Variants in TIAM1 observed in about 807,000 individuals in gnomAD.
The protein encoded by TIAM1 is rho guanine nucleotide exchange factor TIAM1.
Under a neutral mutation model 163.5 loss-of-function variants are expected in TIAM1, and 65 were observed. The observed-to-expected ratio is 0.40, with a 90% confidence interval of 0.33 to 0.49. The LOEUF is 0.49. Ranked by LOEUF, TIAM1 falls within the 20% of genes least tolerant of loss-of-function variation. The pLI is 0.77. For synonymous variants in TIAM1, 833 were observed against 810.1 expected (o/e 1.03, Z -0.48); for missense variants, 1,789 against 2,044.7 (o/e 0.87, Z 2.41).
Position 31,331,949 on chromosome 21 carries a change from C to T in TIAM1, c.-189+7294G>A, listed in dbSNP as rs563721992. On this transcript the variant is annotated intron_variant, in intron 2 of 27. Transcript: ENST00000541036. Reference sequence around the variant, plus strand: ...CTTTCTTTTAACTACAAGGTCCCAGCGAAAACATAATCCGTGTCTAACATA... The same window carrying T: ...CTTTCTTTTAACTACAAGGTCCCAGTGAAAACATAATCCGTGTCTAACATA... Among the ~76,000 whole-genome samples, 3 of 152,252 alleles carry T rather than the reference C, an allele frequency of 2.0e-5. No homozygotes were observed. In the South Asian group the frequency reaches 6.2e-4, roughly 32 times the overall value.
chr21:31,363,832 T>C (rs2076450595), intron 2 of TIAM1, among the ~76,000 whole-genome samples: 1 of 152,078 alleles, frequency 6.6e-6, no homozygotes, highest in Admixed American at 6.6e-5. Flanking sequence ...TCTGGTTGGT[T>C]GGGGGGCAAC....
chr21:31,214,208 C>T (rs2087045462), intron 9 of TIAM1, among the ~76,000 whole-genome samples: 1 of 151,820 alleles, frequency 6.6e-6, no homozygotes, highest in South Asian at 2.1e-4. Context: ...TCCTGTAGTC[C>T]CAGCTACTTG....
intron 2 of TIAM1, among the ~76,000 whole-genome samples, chr21:31,407,907 G>A (rs1342874035): frequency 1.3e-5 from 2 of 152,074 alleles, no homozygotes; most frequent in African/African-American, 2.4e-5. Flanking sequence ...CAAAATGCTA[G>A]GATAACAGGC....
At position 31,213,440 on chromosome 21, in the gene TIAM1, T is replaced by C. The variant is rs745308249; in HGVS notation, c.2175A>G (p.Lys725=). The stretch of plus-strand genomic sequence containing the variant: ...TGTCATCAAATATTCCCTCTAAAGA[T>C]TTCTTTACAGCTTCGGTTCCCTCTC... ...VFGEGTEAVK[K]SLEGIFDDIV... is the part of the protein sequence containing the mutation. The change falls in exon 10 of 28, where the codon AAA becomes AAG. Residue 725 remains lysine (K), a synonymous_variant. Coordinates refer to ENST00000541036, the MANE Select transcript of TIAM1 (RefSeq NM_001353694.2). The C allele has an allele frequency of 5.6e-6, 9 of 1,613,050 alleles. No individual in the cohort carries two copies. The highest frequency in any genetic ancestry group is 7.6e-6 in the Non-Finnish European group (9 of 1,179,872).
intron 1 of TIAM1, among the ~76,000 whole-genome samples, chr21:31,517,432 C>T (rs1334970671): frequency 6.6e-6 from 1 of 152,134 alleles, no homozygotes; most frequent in Non-Finnish European, 1.5e-5. Context: ...ATGGATGATA[C>T]TATTACTATG....
In TIAM1 at chr21:31,245,677, G is replaced by A. The variant is rs1352345471; in HGVS notation, c.1412-17C>T. 1 of 1,533,026 alleles carries A rather than the reference G, an allele frequency of 6.5e-7. No homozygotes were observed. Among genetic ancestry groups the A allele is most frequent in the Admixed American group, 2.0e-5 (1 of 50,734 alleles). 95.0% of individuals were successfully genotyped at this position (1,533,026 alleles called of 1,614,324 possible). ...GCGTGCATCCTGAGGAAACAGAACA[G>A]GGGTGTGCATGAGTATTCAGTGCTT... On this transcript the variant is annotated splice_polypyrimidine_tract_variant and intron_variant, in intron 5 of 27. Transcript: ENST00000541036.
At chr21:31,245,741 ACCC>A in intron 5 of TIAM1, 81 bp from the exon 6 acceptor site, 1 of 1,238,716 alleles carries the variant, frequency 8.1e-7, no homozygotes, top group East Asian at 3.1e-5. Flanking sequence ...TAACATGTGC[ACCC>A]TGTCAGAGGC....
chr21:31,469,693 G>A (rs1379164625), intron 1 of TIAM1, among the ~76,000 whole-genome samples: 1 of 151,888 alleles, frequency 6.6e-6, no homozygotes, highest in Non-Finnish European at 1.5e-5. Flanking sequence ...TTAGCCGGGT[G>A]TGGTGGCGGG....
chr21:31,135,710 G>A (rs896174237), intron 23 of TIAM1, among the ~76,000 whole-genome samples: 10 of 152,100 alleles, frequency 6.6e-5, no homozygotes, highest in Admixed American at 3.3e-4. Flanking sequence ...CTTGGGCACA[G>A]CCATTTCCGC....
At chr21:31,121,658 A>C (rs548945702) in intron 27 of TIAM1, among the ~76,000 whole-genome samples, 172 of 152,326 alleles carry the variant, frequency 1.1e-3, no homozygotes, top group Non-Finnish European at 2.1e-3. Context: ...CCTCATTGGA[A>C]TGAGAAATAA....
chr21:31,151,251 A>G (rs1357454805), intron 19 of TIAM1, among the ~76,000 whole-genome samples: 1 of 152,232 alleles, frequency 6.6e-6, no homozygotes, highest in Non-Finnish European at 1.5e-5. Flanking sequence ...TATCCATACT[A>G]AAACTTGTAC....
Position 31,477,996 on chromosome 21 carries a change from G to A in TIAM1, c.-421-13961C>T, listed in dbSNP as rs920487602. ...AGAATGAATTACCACTGGGAGTACA[G>A]AATAACAACCAGCTTAGGCAGTGCA... On this transcript the variant is annotated intron_variant, in intron 1 of 28. Transcript: ENST00000286827. Among the ~76,000 whole-genome samples the A allele has an allele frequency of 2.6e-4, 39 of 152,202 alleles. 1 individual carries two copies. The highest frequency in any genetic ancestry group is 5.0e-4 in the Non-Finnish European group (34 of 68,040).
At chr21:31,201,785 T>G (rs564716875) in intron 12 of TIAM1, among the ~76,000 whole-genome samples, 31 of 152,292 alleles carry the variant, frequency 2.0e-4, no homozygotes, top group African/African-American at 6.7e-4. Flanking sequence ...GAGGAATGAC[T>G]AAGAACAGAG....
At chr21:31,537,442 C>CAAA in intron 1 of TIAM1, among the ~76,000 whole-genome samples, 1 of 132,556 alleles carries the variant, frequency 7.5e-6, no homozygotes, top group Non-Finnish European at 1.6e-5. Context: ...CAAGAAATCG[C>CAAA]AAAAAAAAAA....
intron 2 of TIAM1, among the ~76,000 whole-genome samples, chr21:31,454,318 C>T (rs1047998017): frequency 3.3e-5 from 5 of 152,172 alleles, no homozygotes; most frequent in African/African-American, 1.2e-4. Context: ...GATTGGTCTA[C>T]ATGTATTACT....
chr21:31,299,290 C>T (rs1298161820), intron 2 of TIAM1, among the ~76,000 whole-genome samples: 1 of 152,166 alleles, frequency 6.6e-6, no homozygotes, highest in African/African-American at 2.4e-5. Flanking sequence ...CGCAGCCCTC[C>T]TTTTTAAGTT....
In TIAM1 at chr21:31,484,601, C is replaced by A. The variant is rs368789230; in HGVS notation, c.-421-20566G>T. Among the ~76,000 whole-genome samples, 60 of 152,316 alleles carry A rather than the reference C, an allele frequency of 3.9e-4. 2 individuals are homozygous for A. Among genetic ancestry groups the A allele is most frequent in the African/African-American group, 1.4e-3 (57 of 41,584 alleles). On this transcript the variant is annotated intron_variant, in intron 1 of 28. Transcript: ENST00000286827. ...TTCAAATCCTTTAGTAGTAAACCTACTCAAGGCCCAGCTATTAAAGCAGGC... is the reference window on the plus strand; with the variant it reads ...TTCAAATCCTTTAGTAGTAAACCTAATCAAGGCCCAGCTATTAAAGCAGGC...
At position 31,530,858 on chromosome 21, in the gene TIAM1, G is replaced by A. The variant is rs189875016; in HGVS notation, c.-422+28069C>T. Among the ~76,000 whole-genome samples the A allele has an allele frequency of 2.6e-5, 4 of 152,144 alleles. No homozygotes were observed. In the East Asian group the frequency reaches 7.7e-4, roughly 29 times the overall value. On this transcript the variant is annotated intron_variant, in intron 1 of 28. Transcript: ENST00000286827. ...ATAATCCCCAGAATACAGTAGGATT[G>A]GCTTCATTCCTGAGTAATAAATTTA...
intron 1 of TIAM1, among the ~76,000 whole-genome samples, chr21:31,539,088 C>T (rs779083737): frequency 2.1e-4 from 32 of 152,144 alleles, no homozygotes; most frequent in Non-Finnish European, 4.0e-4. Context: ...CTATCCTTCA[C>T]CTCACACACT....
Sources: allele counts gnomAD v4.1 joint callset (sites outside exome capture counted in the v4.1 genomes callset), GRCh38; gene constraint gnomAD v4.1.1; transcripts MANE v1.5; gene names NCBI Gene and HGNC (gene_info 2026-07-23, HGNC 2026-07-21).